PDE4D: variants seen among roughly 807,000 people sequenced by gnomAD.
The protein encoded by PDE4D is phosphodiesterase 4D.
PDE4D carries 24 observed loss-of-function variants against 87.4 expected under a neutral mutation model. That is an observed-to-expected ratio of 0.27 (90% CI 0.20 to 0.39). The LOEUF is 0.39. PDE4D is among the 10% of genes least tolerant of loss of function. The pLI is 1.00. For synonymous variants in PDE4D, 384 were observed against 383.2 expected (o/e 1.00, Z -0.02); for missense variants, 714 against 1,041.0 (o/e 0.69, Z 4.32).
intron 1 of PDE4D, among the ~76,000 whole-genome samples, chr5:59,868,507 C>A (rs1201907142): frequency 6.6e-6 from 1 of 151,994 alleles, no homozygotes; most frequent in Non-Finnish European, 1.5e-5. Flanking sequence ...TCTCACAGAC[C>A]CCTAAGAGAA....
chr5:60,298,779 G>A (rs1475802233), intron 1 of PDE4D, among the ~76,000 whole-genome samples: 1 of 152,006 alleles, frequency 6.6e-6, no homozygotes, highest in African/African-American at 2.4e-5. Flanking sequence ...TTTTCTATAC[G>A]ACCTTTGCAA....
chr5:59,240,315 T>C (rs952662593), intron 1 of PDE4D, among the ~76,000 whole-genome samples: 6 of 152,190 alleles, frequency 3.9e-5, no homozygotes, highest in South Asian at 4.1e-4. Flanking sequence ...TTTCCTATTA[T>C]AAACTAGTTA....
At chr5:59,436,082 C>T (rs1247207728) in intron 1 of PDE4D, among the ~76,000 whole-genome samples, 1 of 152,176 alleles carries the variant, frequency 6.6e-6, no homozygotes, top group African/African-American at 2.4e-5. Flanking sequence ...TGAGAGTGTA[C>T]TGGCAAATTC....
chr5:59,138,506 C>T (rs116280672), intron 5 of PDE4D, among the ~76,000 whole-genome samples: 2 of 152,202 alleles, frequency 1.3e-5, no homozygotes, highest in East Asian at 1.9e-4. Context: ...AGGCTAGTCT[C>T]GAACTCCTGA....
chr5:60,461,995 G>C (rs1045752407), intron 1 of PDE4D, among the ~76,000 whole-genome samples: 4 of 152,154 alleles, frequency 2.6e-5, no homozygotes. Flanking sequence ...TTAGAAGCAG[G>C]ATCTCTGAAA....
chr5:59,537,144 T>C (rs1210407711), intron 1 of PDE4D, among the ~76,000 whole-genome samples: 1 of 152,042 alleles, frequency 6.6e-6, no homozygotes, highest in Non-Finnish European at 1.5e-5. Flanking sequence ...TACTGTAGAG[T>C]AAAAGAATTC....
chr5:59,029,740 G>T (rs903482282), intron 6 of PDE4D, among the ~76,000 whole-genome samples: 3 of 151,176 alleles, frequency 2.0e-5, no homozygotes, highest in Non-Finnish European at 4.4e-5. Context: ...AAGCAATCTT[G>T]AACAAAAAGA....
At chr5:59,900,711 A>G (rs1434506895) in intron 3 of PDE4D, among the ~76,000 whole-genome samples, 1 of 152,156 alleles carries the variant, frequency 6.6e-6, no homozygotes, top group Non-Finnish European at 1.5e-5. Flanking sequence ...AACTTTTTAG[A>G]GATGTTTAAC....
chr5:59,812,970 A>G (rs1428465103), intron 1 of PDE4D, among the ~76,000 whole-genome samples: 1 of 152,242 alleles, frequency 6.6e-6, no homozygotes, highest in African/African-American at 2.4e-5. Flanking sequence ...AAAGTGGGAG[A>G]CATAATAATA....
At chr5:59,334,351 T>G (rs1386181419) in intron 1 of PDE4D, among the ~76,000 whole-genome samples, 1 of 146,012 alleles carries the variant, frequency 6.8e-6, no homozygotes, top group Non-Finnish European at 1.5e-5. Context: ...CTCTGCCTCC[T>G]GAGTTCAAGC....
chr5:59,579,103 T>C (rs1387165659), intron 1 of PDE4D, among the ~76,000 whole-genome samples: 1 of 152,156 alleles, frequency 6.6e-6, no homozygotes, highest in Non-Finnish European at 1.5e-5. Context: ...AATTCCCAAA[T>C]CCATCAAATA....
intron 5 of PDE4D, among the ~76,000 whole-genome samples, chr5:59,124,980 C>T (rs1489566310): frequency 1.3e-5 from 2 of 148,576 alleles, no homozygotes; most frequent in Admixed American, 6.7e-5. Flanking sequence ...CTTTTCTTTT[C>T]TTTTCTTTTT....
intron 1 of PDE4D, among the ~76,000 whole-genome samples, chr5:59,796,804 T>C (rs968643977): frequency 2.6e-5 from 4 of 152,196 alleles, no homozygotes; most frequent in Admixed American, 6.5e-5. Flanking sequence ...AGATGCCAAA[T>C]GTGATCATCA....
At chr5:60,198,868 C>G (rs995224200) in intron 1 of PDE4D, among the ~76,000 whole-genome samples, 1 of 151,504 alleles carries the variant, frequency 6.6e-6, no homozygotes, top group African/African-American at 2.4e-5. Context: ...ATTTTACTAA[C>G]CCTGCAAAAA....
chr5:59,387,002 T>TA (rs1315234791), intron 1 of PDE4D, among the ~76,000 whole-genome samples: 5 of 152,128 alleles, frequency 3.3e-5, no homozygotes, highest in Admixed American at 6.5e-5. Flanking sequence ...TCACGTAATG[T>TA]AAAAAAATCT....
chr5:59,207,882 TA>T (rs1044334037), intron 2 of PDE4D, among the ~76,000 whole-genome samples: 3 of 151,832 alleles, frequency 2.0e-5, no homozygotes, highest in African/African-American at 7.3e-5. Flanking sequence ...TTAAAAGATT[TA>T]AAAGTGAGTT....
chr5:59,324,487 C>T (rs554982632), intron 1 of PDE4D, among the ~76,000 whole-genome samples: 84 of 152,152 alleles, frequency 5.5e-4, no homozygotes, highest in Admixed American at 1.4e-3. Context: ...CCATTTTGGC[C>T]AATAAGACAT....
intron 5 of PDE4D, among the ~76,000 whole-genome samples, chr5:59,041,570 T>C (rs1187374403): frequency 6.6e-6 from 1 of 152,240 alleles, no homozygotes; most frequent in Non-Finnish European, 1.5e-5. Flanking sequence ...TAAAGATGCA[T>C]AACCATTGTG....
intron 3 of PDE4D, among the ~76,000 whole-genome samples, chr5:59,186,196 TATTACCTA>T (rs1351897788): frequency 6.6e-6 from 1 of 152,166 alleles, no homozygotes; most frequent in Non-Finnish European, 1.5e-5. Context: ...TCTGAGTAGG[TATTACCTA>T]ACAACCCAGA....
Sources: gnomAD v4.1 joint callset for allele counts (sites outside exome capture counted in the v4.1 genomes callset) on GRCh38, gnomAD v4.1.1 for gene constraint, MANE v1.5 for transcripts, NCBI Gene and HGNC (gene_info 2026-07-23, HGNC 2026-07-21) for gene names.